COLGALT2: variants seen among roughly 807,000 people sequenced by gnomAD.
COLGALT2 encodes the protein collagen beta(1-O)galactosyltransferase 2, also known as procollagen galactosyltransferase 2.
COLGALT2 carries 49 observed loss-of-function variants against 73.4 expected under a neutral mutation model. The ratio of observed to expected loss-of-function variants is 0.67; its 90% CI spans 0.53 to 0.85. COLGALT2 has a LOEUF of 0.85. Ranked by LOEUF, COLGALT2 falls within the 40% of genes least tolerant of loss-of-function variation. The pLI is 0.00. For synonymous variants in COLGALT2, 295 were observed against 307.6 expected, an observed-to-expected ratio of 0.96 and a Z score of 0.43; for missense variants, 722 against 790.2, an observed-to-expected ratio of 0.91 and a Z score of 1.03.
rs986811894 is a variant in COLGALT2, at chr1:184,037,601, C to G, written c.-244G>C. On this transcript the variant is annotated 5_prime_UTR_variant, in exon 1 of 12. Transcript: ENST00000361927. ...CGTACCTGCAGCCGCTGGCGCTCCC[C>G]TGCGCCTCGGGCTCGCAGACAGTAG... 3.7e-6 allele frequency: 4 copies of G among 1,079,840 alleles called. No homozygotes were observed. The African/African-American group carries it at 6.7e-5, about 18-fold the overall frequency. 66.9% of individuals were successfully genotyped at this position (1,079,840 alleles called of 1,614,324 possible).
intron 7 of COLGALT2, among the ~76,000 whole-genome samples, chr1:183,952,211 A>G (rs1670419543): frequency 6.6e-6 from 1 of 152,192 alleles, no homozygotes. Context: ...ATAGTAAGAA[A>G]CTCATTTTAA....
At chr1:184,005,046 C>CA (rs1672033509) in intron 1 of COLGALT2, among the ~76,000 whole-genome samples, 1 of 152,186 alleles carries the variant, frequency 6.6e-6, no homozygotes, top group South Asian at 2.1e-4. Context: ...CCCCTGAAAA[C>CA]AGAGGCATGA....
intron 1 of COLGALT2, among the ~76,000 whole-genome samples, chr1:184,023,380 A>T (rs1007988904): frequency 1.3e-5 from 2 of 152,198 alleles, no homozygotes; most frequent in African/African-American, 4.8e-5. Flanking sequence ...TAGTATTTCT[A>T]TATAATGACA....
chr1:183,987,157 A>C (rs974962377), intron 1 of COLGALT2, among the ~76,000 whole-genome samples: 1 of 152,194 alleles, frequency 6.6e-6, no homozygotes, highest in African/African-American at 2.4e-5. Context: ...AATTCCATGA[A>C]AATATCAGTG....
intron 1 of COLGALT2, among the ~76,000 whole-genome samples, chr1:184,008,968 G>A (rs943595349): frequency 2.0e-5 from 3 of 152,088 alleles, no homozygotes; most frequent in African/African-American, 4.8e-5. Flanking sequence ...TGTTATTCTT[G>A]CAACTTTTCT....
At chr1:183,978,224 G>C (rs1248002174) in intron 2 of COLGALT2, among the ~76,000 whole-genome samples, 186 bp downstream of exon 2, 1 of 152,166 alleles carries the variant, frequency 6.6e-6, no homozygotes, top group Non-Finnish European at 1.5e-5. Flanking sequence ...AGCTGTGGGA[G>C]TAAACAGCAA....
rs190854425 is a variant in COLGALT2 at position 184,016,056 on chromosome 1, T to C, written c.263+21039A>G. 1.2e-3 allele frequency among the ~76,000 whole-genome samples: 190 copies of C among 152,340 alleles called. 1 individual carries two copies. The highest frequency in any genetic ancestry group is 4.4e-3 in the African/African-American group (183 of 41,568). On this transcript the variant is annotated intron_variant, in intron 1 of 11. Coordinates refer to ENST00000361927, the MANE Select transcript of COLGALT2 (RefSeq NM_015101.4). ...GCTTTATTTATAGACACATAGTGGT[T>C]TCTGAGGCCATACACAGTTAATAAA...
At chr1:183,976,464 T>C (rs1290262846) in intron 2 of COLGALT2, among the ~76,000 whole-genome samples, 1 of 151,572 alleles carries the variant, frequency 6.6e-6, no homozygotes, top group Non-Finnish European at 1.5e-5. Context: ...ATTATTACTA[T>C]AATACAAATT....
intron 1 of COLGALT2, among the ~76,000 whole-genome samples, chr1:183,996,332 TC>T (rs1463740222): frequency 2.6e-5 from 4 of 152,162 alleles, no homozygotes; most frequent in African/African-American, 9.7e-5. Flanking sequence ...ATGTTTAGAA[TC>T]CTTAGAAGCT....
At chr1:183,967,117 T>C (rs192679168) in intron 5 of COLGALT2, among the ~76,000 whole-genome samples, 216 of 152,340 alleles carry the variant, frequency 1.4e-3, no homozygotes, top group Middle Eastern at 6.8e-3. Context: ...CTCATTCATG[T>C]TTCTCTTGAA....
At chr1:184,024,655 C>CA (rs1553325566) in intron 1 of COLGALT2, among the ~76,000 whole-genome samples, 3 of 128,300 alleles carry the variant, frequency 2.3e-5, no homozygotes, top group Non-Finnish European at 1.6e-5. Context: ...CCAGCCTCAG[C>CA]TTTTTTTTTT....
intron 1 of COLGALT2, among the ~76,000 whole-genome samples, chr1:183,996,647 T>C (rs531497054): frequency 3.3e-5 from 5 of 152,324 alleles, no homozygotes; most frequent in African/African-American, 1.2e-4. Flanking sequence ...CAGCTGACAC[T>C]GCTTATCTGC....
intron 1 of COLGALT2, among the ~76,000 whole-genome samples, chr1:184,000,364 C>T (rs967089120): frequency 1.3e-5 from 2 of 151,678 alleles, no homozygotes. Context: ...TATGTTTCTC[C>T]CTCAGTAGTT....
chr1:183,930,425 AC>A (rs1381496548), intron 11 of COLGALT2: 2 of 384,970 alleles, frequency 5.2e-6, no homozygotes, highest in Non-Finnish European at 1.0e-5. Flanking sequence ...ACAGGGTCTC[AC>A]TCTGTCACCC....
intron 1 of COLGALT2, among the ~76,000 whole-genome samples, chr1:183,991,523 A>G (rs1353725337): frequency 6.6e-6 from 1 of 152,234 alleles, no homozygotes; most frequent in Non-Finnish European, 1.5e-5. Flanking sequence ...AAAAAATGTC[A>G]GCCCAGTCAG....
intron 1 of COLGALT2, among the ~76,000 whole-genome samples, chr1:184,033,756 A>G (rs1007159517): frequency 1.1e-4 from 16 of 152,334 alleles, no homozygotes; most frequent in African/African-American, 3.4e-4. Context: ...AATGTGATCA[A>G]TAAGCCAGGT....
chr1:184,025,519 T>C (rs1223051956), intron 1 of COLGALT2, among the ~76,000 whole-genome samples: 2 of 152,210 alleles, frequency 1.3e-5, no homozygotes, highest in African/African-American at 4.8e-5. Flanking sequence ...CTCAGAAGTC[T>C]TGATATATGC....
In COLGALT2 at chr1:183,938,972, A is replaced by T; in HGVS notation, c.1670T>A (p.Ile557Asn). Residue 557 changes from isoleucine to asparagine, a missense_variant, in exon 12 of 12, where the codon ATC becomes AAC. Ile to Asn is a moderately radical substitution (Grantham distance 149, BLOSUM62 -3). Transcript: ENST00000361927. ...CTGGCCTGTGTAGTGCGTAGGGTAG[A>T]TGAGCAAGGGTTCTGCAGAGAAGGC... ...LKAFSAEPLL[I>N]YPTHYTGQPG... 6.2e-7 allele frequency: 1 copy of T among 1,614,110 alleles called. No individual in the cohort carries two copies. The highest frequency in any genetic ancestry group is 8.5e-7 in the Non-Finnish European group (1 of 1,180,034).
At position 183,936,775 on chromosome 1, in the gene COLGALT2, A is replaced by G; in HGVS notation, c.*1986T>C. Reference sequence around the variant, plus strand: ...GGGTGGGAAAGGAAGTCACACTGACAGCTAAGTCTAAGCGGCACAATTTAG... The same window carrying G: ...GGGTGGGAAAGGAAGTCACACTGACGGCTAAGTCTAAGCGGCACAATTTAG... On this transcript the variant is annotated 3_prime_UTR_variant, in exon 12 of 12. Coordinates refer to ENST00000361927, the MANE Select transcript of COLGALT2 (RefSeq NM_015101.4). 1 of 1,231,514 alleles carries G rather than the reference A, an allele frequency of 8.1e-7. No individual in the cohort carries two copies. The highest frequency in any genetic ancestry group is 1.0e-6 in the Non-Finnish European group (1 of 987,948). 76.3% of individuals were successfully genotyped at this position (1,231,514 alleles called of 1,614,324 possible).
Sources: allele counts gnomAD v4.1 joint callset (sites outside exome capture counted in the v4.1 genomes callset), GRCh38; gene constraint gnomAD v4.1.1; transcripts MANE v1.5; gene names NCBI Gene and HGNC (gene_info 2026-07-23, HGNC 2026-07-21).